Variants in FSHR observed in about 807,000 individuals in gnomAD.
FSHR encodes follicle-stimulating hormone receptor.
A neutral mutation model predicts 52.1 loss-of-function variants in FSHR; 46 were observed. That is an observed-to-expected ratio of 0.88 (90% CI 0.70 to 1.13). FSHR has a LOEUF of 1.13. Among genes scored for constraint, FSHR ranks in the 50% most tolerant of loss-of-function variants. The pLI is 0.00. For missense variants in FSHR, 964 were observed against 834.6 expected (o/e 1.16, Z -1.91); for synonymous variants, 399 against 309.6 (o/e 1.29, Z -3.03).
chr2:49,106,111 T>C (rs1464817859), intron 1 of FSHR, among the ~76,000 whole-genome samples: 1 of 152,168 alleles, frequency 6.6e-6, no homozygotes, highest in Non-Finnish European at 1.5e-5. Context: ...AAGTGCAATG[T>C]CAGGAGTATG....
chr2:49,021,849 C>T (rs1232101275), intron 2 of FSHR, among the ~76,000 whole-genome samples: 3 of 32,544 alleles, frequency 9.2e-5, no homozygotes, highest in African/African-American at 2.7e-4. Flanking sequence ...CTCTCTCTCT[C>T]TCTCTCTCTC....
At chr2:49,136,025 T>C (rs1331779775) in intron 1 of FSHR, among the ~76,000 whole-genome samples, 1 of 151,700 alleles carries the variant, frequency 6.6e-6, no homozygotes, top group Non-Finnish European at 1.5e-5. Context: ...TGTTCTATGG[T>C]CAAGTGTCAA....
chr2:48,963,754 C>T lies in FSHR; in HGVS notation c.1067G>A (p.Cys356Tyr). The T allele has an allele frequency of 6.2e-7, 1 of 1,614,168 alleles. No individual in the cohort carries two copies. Among genetic ancestry groups the T allele is most frequent in the Non-Finnish European group, 8.5e-7 (1 of 1,179,998 alleles). The change falls in exon 10 of 10, where the codon TGT (cysteine) becomes TAT (tyrosine). Residue 356 changes from cysteine (C) to tyrosine (Y), a missense_variant. By Grantham distance (194) the Cys-to-Tyr change is radical. Coordinates refer to ENST00000406846, the MANE Select transcript of FSHR (RefSeq NM_000145.4). Reference sequence around the variant, plus strand: ...GATGTTGTACCCCATGATATCTTCACATGGGTTGAATGCATCTGGCTTAGG... The same window carrying T: ...GATGTTGTACCCCATGATATCTTCATATGGGTTGAATGCATCTGGCTTAGG... ...CSPKPDAFNP[C>Y]EDIMGYNILR...
chr2:49,061,653 ATATAACTATATATT>A (rs1468383107), intron 2 of FSHR, among the ~76,000 whole-genome samples: 4 of 143,678 alleles, frequency 2.8e-5, no homozygotes, highest in African/African-American at 1.0e-4. Flanking sequence ...ATATAACTAT[ATATAACTATATATT>A]TATAACTATA....
At chr2:49,122,934 C>T (rs188157145) in intron 1 of FSHR, among the ~76,000 whole-genome samples, 107 of 152,256 alleles carry the variant, frequency 7.0e-4, no homozygotes, top group Admixed American at 1.4e-3. Flanking sequence ...ATACTGGAGT[C>T]TATCTGCCTA....
At chr2:49,138,377 T>A (rs2103829415) in intron 1 of FSHR, among the ~76,000 whole-genome samples, 1 of 152,200 alleles carries the variant, frequency 6.6e-6, no homozygotes, top group Non-Finnish European at 1.5e-5. Context: ...ACTGAAAACA[T>A]ATGTCAGCAC....
At chr2:49,142,660 C>T (rs75487906) in intron 1 of FSHR, among the ~76,000 whole-genome samples, 1 of 152,118 alleles carries the variant, frequency 6.6e-6, no homozygotes, top group Admixed American at 6.6e-5. Context: ...ATGCCTCTAG[C>T]TGCTGCATAG....
intron 1 of FSHR, among the ~76,000 whole-genome samples, chr2:49,072,024 C>T (rs1009607948): frequency 6.6e-6 from 1 of 152,070 alleles, no homozygotes; most frequent in Non-Finnish European, 1.5e-5. Flanking sequence ...GTCATAATGG[C>T]TGGAAACCCC....
At chr2:48,981,597 G>T (rs1279662363) in intron 8 of FSHR, among the ~76,000 whole-genome samples, 1 of 152,132 alleles carries the variant, frequency 6.6e-6, no homozygotes, top group Non-Finnish European at 1.5e-5. Flanking sequence ...AATAATCTTT[G>T]AACATGGTCA....
intron 4 of FSHR, among the ~76,000 whole-genome samples, chr2:48,991,617 G>T (rs1675783651): frequency 6.6e-6 from 1 of 152,196 alleles, no homozygotes. Flanking sequence ...GAAGTGAGAG[G>T]TGTACAAGGC....
chr2:49,091,152 G>C (rs933003964), intron 1 of FSHR, among the ~76,000 whole-genome samples: 8 of 151,450 alleles, frequency 5.3e-5, no homozygotes, highest in Admixed American at 2.0e-4. Flanking sequence ...TTAATGGATT[G>C]TGTTTTTGAT....
chr2:49,027,715 T>C lies in FSHR; in HGVS notation c.225-7555A>G, dbSNP rs1558398908. Reference sequence around the variant, plus strand: ...AAATACAAAAACTAGACAGGTTTGGTGGCACATGCCTATAGTCTGAGCTGC... The same window carrying C: ...AAATACAAAAACTAGACAGGTTTGGCGGCACATGCCTATAGTCTGAGCTGC... On this transcript the variant is annotated intron_variant, in intron 2 of 9. Coordinates refer to ENST00000406846, the MANE Select transcript of FSHR (RefSeq NM_000145.4). Among the ~76,000 whole-genome samples the C allele has an allele frequency of 3.9e-5, 6 of 152,220 alleles. No homozygotes were observed. The South Asian group carries it at 1.2e-3, about 32-fold the overall frequency.
intron 1 of FSHR, among the ~76,000 whole-genome samples, chr2:49,087,070 GTTTTTTTTT>G (rs56890721): frequency 4.6e-5 from 4 of 86,728 alleles, no homozygotes; most frequent in Admixed American, 1.7e-4. Context: ...TGTGGGCAGG[GTTTTTTTTT>G]TTTTTTTTTT....
intron 2 of FSHR, among the ~76,000 whole-genome samples, chr2:49,033,384 G>T (rs1220161088): frequency 6.6e-6 from 1 of 152,180 alleles, no homozygotes; most frequent in African/African-American, 2.4e-5. Flanking sequence ...GGATTCTAAA[G>T]GATGTTCAGT....
intron 8 of FSHR, among the ~76,000 whole-genome samples, chr2:48,979,752 C>T (rs552447304): frequency 6.6e-6 from 1 of 152,040 alleles, no homozygotes; most frequent in Non-Finnish European, 1.5e-5. Context: ...GTTCCCTGTA[C>T]ATTCTGAGAG....
intron 1 of FSHR, among the ~76,000 whole-genome samples, chr2:49,147,809 T>C (rs1672922186): frequency 6.6e-6 from 1 of 151,902 alleles, no homozygotes; most frequent in Admixed American, 6.6e-5. Context: ...GACATAGACA[T>C]ATCATTTCTC....
At chr2:49,042,430 A>G (rs1668509939) in intron 2 of FSHR, among the ~76,000 whole-genome samples, 1 of 152,222 alleles carries the variant, frequency 6.6e-6, no homozygotes, top group African/African-American at 2.4e-5. Flanking sequence ...CAGGATCATC[A>G]GGGCAATGGG....
At chr2:48,996,530 T>C (rs1033327015) in intron 4 of FSHR, among the ~76,000 whole-genome samples, 1 of 152,150 alleles carries the variant, frequency 6.6e-6, no homozygotes, top group South Asian at 2.1e-4. Context: ...ACAACTCATG[T>C]TCTGGAGTAT....
chr2:49,039,922 TG>T (rs1185847237), intron 2 of FSHR, among the ~76,000 whole-genome samples: 1 of 15,724 alleles, frequency 6.4e-5, no homozygotes, highest in South Asian at 4.0e-3. Flanking sequence ...TCTACATTGG[TG>T]GTTTTTTTTT....
Sources: gnomAD v4.1 joint callset for allele counts (sites outside exome capture counted in the v4.1 genomes callset) on GRCh38, gnomAD v4.1.1 for gene constraint, MANE v1.5 for transcripts, NCBI Gene and HGNC (gene_info 2026-07-23, HGNC 2026-07-21) for gene names.